NCKAP5: variants seen among roughly 807,000 people sequenced by gnomAD.
NCKAP5 encodes the protein nck-associated protein 5.
In NCKAP5, 92 loss-of-function variants were observed where a neutral mutation model predicts 167.0. That is an observed-to-expected ratio of 0.55 (90% CI 0.47 to 0.66). The LOEUF (loss-of-function observed/expected upper bound fraction) is 0.66, where lower values mean the gene tolerates loss of function less well. Ranked by LOEUF, NCKAP5 falls within the 30% of genes least tolerant of loss-of-function variation. The pLI is 0.00. For missense variants in NCKAP5, 2,378 were observed against 2,315.0 expected, an observed-to-expected ratio of 1.03 and a Z score of -0.56; for synonymous variants, 891 against 877.4, an observed-to-expected ratio of 1.02 and a Z score of -0.27.
chr2:133,010,466 C>T (rs1322322256), intron 6 of NCKAP5, among the ~76,000 whole-genome samples: 2 of 152,176 alleles, frequency 1.3e-5, no homozygotes, highest in Non-Finnish European at 2.9e-5. Context: ...CAAGATAATG[C>T]TCCTCCAATG....
the NCKAP5 span, among the ~76,000 whole-genome samples, chr2:133,586,788 CA>C: frequency 7.2e-6 from 1 of 138,192 alleles, no homozygotes; most frequent in East Asian, 2.2e-4. Context: ...CACACACACA[CA>C]CACACAGGAT....
chr2:132,945,307 A>ATCCTT (rs1697623352), intron 8 of NCKAP5, among the ~76,000 whole-genome samples: 1 of 152,016 alleles, frequency 6.6e-6, no homozygotes, highest in Non-Finnish European at 1.5e-5. Context: ...TGGGGTGGGG[A>ATCCTT]AATGATCATA....
chr2:132,690,877 T>A (rs1686647585), intron 19 of NCKAP5, among the ~76,000 whole-genome samples: 3 of 152,090 alleles, frequency 2.0e-5, no homozygotes, highest in Admixed American at 2.0e-4. Context: ...ATGTGCCCCT[T>A]CCCATCCATG....
In NCKAP5 at chr2:132,731,798, G is replaced by A. The variant is rs774571026; in HGVS notation, c.5382C>T (p.Pro1794=). ...DSAIVHSTSD[P]IMTARGMRPL... Reference sequence around the variant, plus strand: ...GCCTCATCCCTCTGGCGGTCATGATGGGGTCGGATGTGGAATGAACAATGG... The same window carrying A: ...GCCTCATCCCTCTGGCGGTCATGATAGGGTCGGATGTGGAATGAACAATGG... Residue 1794 remains proline (P), a synonymous_variant, in exon 17 of 20, where the codon CCC becomes CCT. Coordinates refer to ENST00000409261, the MANE Select transcript of NCKAP5 (RefSeq NM_207363.3). 1.2e-6 allele frequency: 2 copies of A among 1,613,854 alleles called. No individual in the cohort carries two copies. Among genetic ancestry groups the A allele is most frequent in the Non-Finnish European group, 8.5e-7 (1 of 1,179,798 alleles).
At chr2:133,178,249 A>G (rs1302391159) in intron 5 of NCKAP5, among the ~76,000 whole-genome samples, 2 of 152,178 alleles carry the variant, frequency 1.3e-5, no homozygotes, top group African/African-American at 4.8e-5. Flanking sequence ...CTGTAATCCC[A>G]GCACTTTGGG....
intron 19 of NCKAP5, among the ~76,000 whole-genome samples, chr2:132,700,306 T>TTAATTA (rs1431172475): frequency 1.3e-5 from 2 of 151,074 alleles, no homozygotes; most frequent in Admixed American, 6.6e-5. Flanking sequence ...TTTCTTTTGC[T>TTAATTA]GTGCCGAAGC....
rs78636236 is a variant in NCKAP5, at chr2:133,321,025, C to G, written c.70-17915G>C. ...CTAGTGCTGCAGACTAGCCCTAACC[C>G]CAGGAGTCGTGTATGCTCATCTGCT... On this transcript the variant is annotated intron_variant, in intron 3 of 19. Coordinates refer to ENST00000409261, the MANE Select transcript of NCKAP5 (RefSeq NM_207363.3). Among the ~76,000 whole-genome samples, 164 of 152,280 alleles carry G rather than the reference C, an allele frequency of 1.1e-3. 2 individuals are homozygous for G. Among genetic ancestry groups the G allele is most frequent in the African/African-American group, 3.8e-3 (158 of 41,556 alleles).
At chr2:133,544,421 T>C (rs1686486677) in intron 2 of NCKAP5, among the ~76,000 whole-genome samples, 1 of 152,202 alleles carries the variant, frequency 6.6e-6, no homozygotes, top group African/African-American at 2.4e-5. Context: ...TGTAAGCTTT[T>C]TAATAAACAT....
intron 19 of NCKAP5, among the ~76,000 whole-genome samples, chr2:132,725,114 T>C (rs1251742817): frequency 2.0e-5 from 3 of 152,186 alleles, no homozygotes; most frequent in Admixed American, 6.5e-5. Flanking sequence ...TGAATAGACA[T>C]AGTTTTAAAT....
chr2:133,341,731 C>T (rs1048537502), intron 3 of NCKAP5, among the ~76,000 whole-genome samples: 5 of 152,228 alleles, frequency 3.3e-5, no homozygotes, highest in South Asian at 2.1e-4. Flanking sequence ...TCTTTGTACC[C>T]GTATCTCTCC....
At chr2:133,331,515 CTG>C (rs895969041) in intron 3 of NCKAP5, among the ~76,000 whole-genome samples, 2 of 152,208 alleles carry the variant, frequency 1.3e-5, no homozygotes, top group Non-Finnish European at 2.9e-5. Context: ...CCCGTTATGA[CTG>C]AGAGCAGCAA....
intron 11 of NCKAP5, among the ~76,000 whole-genome samples, chr2:132,837,515 C>T (rs1687977311): frequency 6.6e-6 from 1 of 152,010 alleles, no homozygotes; most frequent in African/African-American, 2.4e-5. Context: ...ATTTTTAATT[C>T]CTAAGAACTC....
intron 8 of NCKAP5, among the ~76,000 whole-genome samples, chr2:132,901,731 A>T (rs1393455769): frequency 6.6e-6 from 1 of 152,240 alleles, no homozygotes; most frequent in African/African-American, 2.4e-5. Flanking sequence ...TTGGGGGATT[A>T]TCAAGATAGG....
At chr2:132,823,353 T>G (rs1686899093) in intron 11 of NCKAP5, among the ~76,000 whole-genome samples, 1 of 152,182 alleles carries the variant, frequency 6.6e-6, no homozygotes, top group African/African-American at 2.4e-5. Context: ...AGCAGACTTC[T>G]CAGCAGAAAT....
chr2:133,298,083 A>G (rs2150547281), intron 4 of NCKAP5, among the ~76,000 whole-genome samples: 1 of 152,336 alleles, frequency 6.6e-6, no homozygotes, highest in African/African-American at 2.4e-5. Flanking sequence ...TGTCACTCAC[A>G]TATTCTTCTC....
chr2:133,290,551 C>T (rs192919245), intron 4 of NCKAP5, among the ~76,000 whole-genome samples: 40 of 152,250 alleles, frequency 2.6e-4, no homozygotes, highest in Non-Finnish European at 5.1e-4. Flanking sequence ...TATGATTAAA[C>T]ATTTCAATCT....
chr2:133,244,421 C>T (rs1023307446), intron 4 of NCKAP5, among the ~76,000 whole-genome samples: 1 of 152,074 alleles, frequency 6.6e-6, no homozygotes, highest in African/African-American at 2.4e-5. Flanking sequence ...CTGTCTCATA[C>T]AATTTATTGG....
intron 3 of NCKAP5, among the ~76,000 whole-genome samples, chr2:133,307,851 A>T (rs1680891532): frequency 6.6e-6 from 1 of 152,174 alleles, no homozygotes; most frequent in African/African-American, 2.4e-5. Flanking sequence ...GAATAAAAAA[A>T]TATGGAATTC....
At chr2:133,208,110 AG>A (rs2086038279) in intron 5 of NCKAP5, among the ~76,000 whole-genome samples, 1 of 152,160 alleles carries the variant, frequency 6.6e-6, no homozygotes, top group Non-Finnish European at 1.5e-5. Context: ...AGGCCAAGGC[AG>A]GCAGATCACT....
Sources: allele counts gnomAD v4.1 joint callset (sites outside exome capture counted in the v4.1 genomes callset), GRCh38; gene constraint gnomAD v4.1.1; transcripts MANE v1.5; gene names NCBI Gene and HGNC (gene_info 2026-07-23, HGNC 2026-07-21).